MDGA2: variants seen among roughly 807,000 people sequenced by gnomAD.
MDGA2 encodes MAM domain-containing glycosylphosphatidylinositol anchor protein 2.
MDGA2 carries 40 observed loss-of-function variants against 117.8 expected under a neutral mutation model. The observed-to-expected ratio is 0.34, with a 90% CI of 0.26 to 0.44. The LOEUF (loss-of-function observed/expected upper bound fraction) is 0.44. MDGA2 is among the 20% of genes least tolerant of loss of function. MDGA2 has a pLI of 1.00. For synonymous variants in MDGA2, 452 were observed against 439.0 expected, an observed-to-expected ratio of 1.03 and a Z score of -0.37; for missense variants, 1,123 against 1,250.6, an observed-to-expected ratio of 0.90 and a Z score of 1.54.
chr14:47,170,301 TG>T (rs762865730), intron 3 of MDGA2, among the ~76,000 whole-genome samples: 6 of 152,190 alleles, frequency 3.9e-5, no homozygotes, highest in Non-Finnish European at 8.8e-5. Flanking sequence ...TTTGAAATTT[TG>T]AAATGCTTAC....
chr14:47,139,183 T>C (rs1373064575), intron 4 of MDGA2, among the ~76,000 whole-genome samples: 1 of 152,072 alleles, frequency 6.6e-6, no homozygotes, highest in Admixed American at 6.6e-5. Context: ...TAAGTAGACA[T>C]ATGATCTATT....
chr14:47,377,495 A>G (rs921365923), intron 1 of MDGA2, among the ~76,000 whole-genome samples: 1 of 152,114 alleles, frequency 6.6e-6, no homozygotes, highest in African/African-American at 2.4e-5. Context: ...GTACCTGGAA[A>G]ATCGGGACAC....
chr14:47,112,585 G>A (rs575598224), intron 5 of MDGA2, among the ~76,000 whole-genome samples: 1 of 152,230 alleles, frequency 6.6e-6, no homozygotes, highest in African/African-American at 2.4e-5. Context: ...TCCTTTCTCT[G>A]GCTGCATAGT....
intron 1 of MDGA2, among the ~76,000 whole-genome samples, chr14:47,398,522 T>C (rs1031192405): frequency 6.6e-6 from 1 of 152,206 alleles, no homozygotes; most frequent in African/African-American, 2.4e-5. Context: ...TTTTCTGGTA[T>C]TTGATGAGGG....
At chr14:47,147,363 T>A (rs979691317) in intron 3 of MDGA2, among the ~76,000 whole-genome samples, 3 of 152,122 alleles carry the variant, frequency 2.0e-5, no homozygotes, top group Admixed American at 6.5e-5. Flanking sequence ...TCAACACATA[T>A]GAGAGAGTGA....
At chr14:47,008,716 C>G (rs1005854406) in intron 8 of MDGA2, among the ~76,000 whole-genome samples, 1 of 151,842 alleles carries the variant, frequency 6.6e-6, no homozygotes, top group East Asian at 1.9e-4. Flanking sequence ...CCTGGAAGTA[C>G]AGTTAAAATA....
In MDGA2 at chr14:46,917,579, A is replaced by G. The variant is rs193234372; in HGVS notation, c.2238+2433T>C. ...GTGTGTCTGGAATTCATTATTTTAA[A>G]AAAACATAGAAAAGGGAAATTTATA... On this transcript the variant is annotated intron_variant, in intron 10 of 16. Coordinates refer to ENST00000399232, the MANE Select transcript of MDGA2 (RefSeq NM_001113498.3). 4.5e-4 allele frequency among the ~76,000 whole-genome samples: 68 copies of G among 152,360 alleles called. 2 individuals are homozygous for G. The South Asian group carries it at 8.7e-3, about 19-fold the overall frequency.
chr14:47,125,745 T>C (rs1881869428), intron 5 of MDGA2, among the ~76,000 whole-genome samples: 1 of 152,074 alleles, frequency 6.6e-6, no homozygotes. Context: ...TGTTTATAAA[T>C]GCTAAGGTAG....
intron 2 of MDGA2, among the ~76,000 whole-genome samples, chr14:47,227,347 G>C (rs888961086): frequency 6.6e-6 from 1 of 152,138 alleles, no homozygotes; most frequent in African/African-American, 2.4e-5. Context: ...AGATGGGATA[G>C]ATTCTGCAGC....
intron 1 of MDGA2, among the ~76,000 whole-genome samples, chr14:47,607,068 T>G (rs1467173466): frequency 6.6e-6 from 1 of 152,174 alleles, no homozygotes; most frequent in Non-Finnish European, 1.5e-5. Context: ...ATTTGGTCAA[T>G]GACTAGCAAG....
chr14:47,361,024 C>A (rs1413521566), intron 1 of MDGA2, among the ~76,000 whole-genome samples: 3 of 151,988 alleles, frequency 2.0e-5, no homozygotes, highest in African/African-American at 7.3e-5. Context: ...AACATAAAAT[C>A]TATAGTCAAT....
intron 10 of MDGA2, among the ~76,000 whole-genome samples, chr14:46,912,753 G>C (rs550707410): frequency 6.6e-6 from 1 of 152,090 alleles, no homozygotes; most frequent in Non-Finnish European, 1.5e-5. Context: ...TCCAAGACAA[G>C]GTACCCTTAT....
At chr14:47,070,700 G>T (rs1431709127) in intron 6 of MDGA2, among the ~76,000 whole-genome samples, 5 of 152,110 alleles carry the variant, frequency 3.3e-5, no homozygotes, top group African/African-American at 1.2e-4. Context: ...CTGCCTCCTG[G>T]GTTCAAGCAA....
intron 8 of MDGA2, among the ~76,000 whole-genome samples, chr14:47,032,218 T>G (rs996960715): frequency 1.3e-5 from 2 of 152,188 alleles, no homozygotes; most frequent in African/African-American, 4.8e-5. Flanking sequence ...ACTTAGTTTT[T>G]AATAGTCCAT....
At chr14:46,876,176 T>C (rs1425074826) in intron 12 of MDGA2, among the ~76,000 whole-genome samples, 1 of 151,518 alleles carries the variant, frequency 6.6e-6, no homozygotes. Context: ...GCAACATCAA[T>C]AGCTCTCGAT....
intron 9 of MDGA2, among the ~76,000 whole-genome samples, chr14:46,955,795 G>A (rs1482038371): frequency 6.7e-6 from 1 of 148,196 alleles, no homozygotes; most frequent in Non-Finnish European, 1.5e-5. Context: ...AAGTGGAAGA[G>A]TAAAATAATT....
intron 1 of MDGA2, among the ~76,000 whole-genome samples, chr14:47,304,914 TTCTTGGATTAC>T (rs1457790085): frequency 6.6e-6 from 1 of 152,174 alleles, no homozygotes; most frequent in African/African-American, 2.4e-5. Flanking sequence ...TCCTGATACC[TTCTTGGATTAC>T]TTATAAATGA....
chr14:47,580,565 C>G (rs1896211522), intron 1 of MDGA2, among the ~76,000 whole-genome samples: 1 of 151,834 alleles, frequency 6.6e-6, no homozygotes, highest in South Asian at 2.1e-4. Context: ...AACAGAAGAT[C>G]TGAGATTGTA....
intron 1 of MDGA2, among the ~76,000 whole-genome samples, chr14:47,380,945 G>A (rs191179927): frequency 4.2e-4 from 64 of 152,136 alleles, no homozygotes; most frequent in African/African-American, 1.4e-3. Context: ...GATGAACACC[G>A]ATGCAAAAAT....
Sources: allele counts gnomAD v4.1 joint callset (sites outside exome capture counted in the v4.1 genomes callset), GRCh38; gene constraint gnomAD v4.1.1; transcripts MANE v1.5; gene names NCBI Gene and HGNC (gene_info 2026-07-23, HGNC 2026-07-21).